Variants in PLCXD3 observed in about 807,000 individuals in gnomAD.
PLCXD3 encodes the protein phosphatidylinositol specific phospholipase C X domain containing 3, also known as PI-PLC X domain-containing protein 3.
PLCXD3 carries 19 observed loss-of-function variants against 25.5 expected under a neutral mutation model. That is an observed-to-expected ratio of 0.75 (90% CI 0.52 to 1.09). The LOEUF (loss-of-function observed/expected upper bound fraction) is 1.09, where lower values mean the gene tolerates loss of function less well. PLCXD3 is among the 50% of genes least tolerant of loss of function. The pLI is 0.00. For synonymous variants in PLCXD3, 174 were observed against 137.6 expected, an observed-to-expected ratio of 1.26 and a Z score of -1.85; for missense variants, 411 against 388.1, an observed-to-expected ratio of 1.06 and a Z score of -0.50.
chr5:41,492,517 T>C (rs1748726525), intron 1 of PLCXD3, among the ~76,000 whole-genome samples: 1 of 152,222 alleles, frequency 6.6e-6, no homozygotes, highest in Non-Finnish European at 1.5e-5. Flanking sequence ...CTGGATAATA[T>C]CCTGCAGAGT....
intron 2 of PLCXD3, among the ~76,000 whole-genome samples, chr5:41,356,757 A>G (rs1480005825): frequency 6.6e-6 from 1 of 152,176 alleles, no homozygotes; most frequent in Non-Finnish European, 1.5e-5. Flanking sequence ...CCCCCCAAAG[A>G]TAAAACACGT....
intron 1 of PLCXD3, among the ~76,000 whole-genome samples, chr5:41,435,115 AG>A (rs1314651012): frequency 2.0e-5 from 3 of 152,208 alleles, no homozygotes; most frequent in Non-Finnish European, 4.4e-5. Flanking sequence ...ATGTGTACAA[AG>A]GCACAAAGGA....
At chr5:41,422,045 A>G (rs1011605320) in intron 1 of PLCXD3, among the ~76,000 whole-genome samples, 1 of 152,136 alleles carries the variant, frequency 6.6e-6, no homozygotes, top group Non-Finnish European at 1.5e-5. Context: ...TTTAAGAGTT[A>G]CTTACATATG....
At chr5:41,329,891 T>C (rs1262342433) in intron 2 of PLCXD3, among the ~76,000 whole-genome samples, 2 of 150,896 alleles carry the variant, frequency 1.3e-5, no homozygotes, top group Non-Finnish European at 3.0e-5. Context: ...GTATTATAAA[T>C]CCATGTCAAA....
chr5:41,393,800 G>T (rs1028699493), intron 1 of PLCXD3, among the ~76,000 whole-genome samples: 9 of 151,934 alleles, frequency 5.9e-5, no homozygotes, highest in Admixed American at 3.3e-4. Context: ...CATGGTGGTG[G>T]ACACCTGTAG....
chr5:41,464,695 T>C (rs142429764), intron 1 of PLCXD3, among the ~76,000 whole-genome samples: 52 of 152,234 alleles, frequency 3.4e-4, no homozygotes, highest in Middle Eastern at 3.4e-3. Flanking sequence ...TCTGAAGACT[T>C]ATGTCTTCTT....
At chr5:41,494,528 A>G (rs1748792738) in intron 1 of PLCXD3, among the ~76,000 whole-genome samples, 1 of 152,206 alleles carries the variant, frequency 6.6e-6, no homozygotes, top group African/African-American at 2.4e-5. Flanking sequence ...TGGGCTTGGG[A>G]AACTAATAGG....
At chr5:41,453,537 C>A (rs764531102) in intron 1 of PLCXD3, among the ~76,000 whole-genome samples, 1 of 151,856 alleles carries the variant, frequency 6.6e-6, no homozygotes, top group Non-Finnish European at 1.5e-5. Flanking sequence ...AAACATTTAT[C>A]GTGGTCAAGT....
At chr5:41,361,358 C>T (rs144597597) in intron 2 of PLCXD3, among the ~76,000 whole-genome samples, 1,614 of 152,276 alleles carry the variant, frequency 0.011, 24 homozygotes, top group South Asian at 0.045. Context: ...CAGGCAGACC[C>T]GCAGTTTTTT....
Position 41,396,173 on chromosome 5 carries a change from A to G in PLCXD3, c.104-13639T>C, listed in dbSNP as rs374965435. Among the ~76,000 whole-genome samples, 11 of 152,336 alleles carry G rather than the reference A, an allele frequency of 7.2e-5. No individual in the cohort carries two copies. In the East Asian group the frequency reaches 1.2e-3, roughly 16 times the overall value. On this transcript the variant is annotated intron_variant, in intron 1 of 2. Coordinates refer to ENST00000377801, the MANE Select transcript of PLCXD3 (RefSeq NM_001005473.3). ...TTGGCTGTGTCCCCACCCAAATCTT[A>G]TGACAAATTTTAATTCCCAATGTTA...
chr5:41,485,242 G>C (rs1430113808), intron 1 of PLCXD3, among the ~76,000 whole-genome samples: 1 of 152,132 alleles, frequency 6.6e-6, no homozygotes, highest in Non-Finnish European at 1.5e-5. Flanking sequence ...GTATCTTAGA[G>C]TGAAAAAATG....
intron 2 of PLCXD3, among the ~76,000 whole-genome samples, chr5:41,328,059 A>T (rs546959336): frequency 6.7e-5 from 10 of 150,352 alleles, no homozygotes; most frequent in Admixed American, 2.6e-4. Flanking sequence ...AAATGAAATT[A>T]AAAAAAAAAT....
At chr5:41,329,176 C>T (rs1200066954) in intron 2 of PLCXD3, among the ~76,000 whole-genome samples, 1 of 152,174 alleles carries the variant, frequency 6.6e-6, no homozygotes, top group Non-Finnish European at 1.5e-5. Context: ...ATCTTCCCTG[C>T]CCCGTCACTT....
chr5:41,476,405 T>A (rs1296478443), intron 1 of PLCXD3, among the ~76,000 whole-genome samples: 6 of 152,230 alleles, frequency 3.9e-5, no homozygotes, highest in African/African-American at 1.4e-4. Context: ...TTATGATGAA[T>A]ATCTTCTTAA....
chr5:41,322,521 T>C (rs1743502803), intron 2 of PLCXD3, among the ~76,000 whole-genome samples: 1 of 152,094 alleles, frequency 6.6e-6, no homozygotes, highest in Admixed American at 6.5e-5. Context: ...AAACTGAAAA[T>C]CGAGCTACCA....
intron 2 of PLCXD3, among the ~76,000 whole-genome samples, chr5:41,377,890 T>A (rs998383959): frequency 1.3e-5 from 2 of 152,110 alleles, no homozygotes; most frequent in African/African-American, 4.8e-5. Context: ...TTGGAGGTAA[T>A]CTAGCTCAAA....
At chr5:41,411,557 G>A (rs976386837) in intron 1 of PLCXD3, among the ~76,000 whole-genome samples, 1 of 151,990 alleles carries the variant, frequency 6.6e-6, no homozygotes, top group African/African-American at 2.4e-5. Context: ...TTATAAAACT[G>A]GCACAAACAA....
chr5:41,339,144 G>A (rs1330042889), intron 2 of PLCXD3, among the ~76,000 whole-genome samples: 3 of 152,052 alleles, frequency 2.0e-5, no homozygotes, highest in Admixed American at 6.6e-5. Context: ...TAGTTTGCTA[G>A]CATATATATT....
Position 41,339,036 on chromosome 5 carries a change from A to T in PLCXD3, c.813-25266T>A, listed in dbSNP as rs563569465. ...ATTTCATGATCATCTTTTTCCTGGA[A>T]TTCCTTCATGGCTTCTTCTGCAGTG... On this transcript the variant is annotated intron_variant, in intron 2 of 2. Coordinates refer to ENST00000377801, the MANE Select transcript of PLCXD3 (RefSeq NM_001005473.3). Among the ~76,000 whole-genome samples, 6 of 152,180 alleles carry T rather than the reference A, an allele frequency of 3.9e-5. No homozygotes were observed. In the South Asian group the frequency reaches 1.2e-3, roughly 32 times the overall value.
Sources: gnomAD v4.1 joint callset for allele counts (sites outside exome capture counted in the v4.1 genomes callset) on GRCh38, gnomAD v4.1.1 for gene constraint, MANE v1.5 for transcripts, NCBI Gene and HGNC (gene_info 2026-07-23, HGNC 2026-07-21) for gene names.